The following LHX8 variants were observed in gnomAD, a reference collection of about 807,000 sequenced individuals.
LHX8 encodes LIM homeobox 8, also known as LIM/homeobox protein Lhx8.
LHX8 carries 12 observed loss-of-function variants against 40.3 expected under a neutral mutation model. That is an observed-to-expected ratio of 0.30 (90% CI 0.19 to 0.48). The LOEUF is 0.48. Among genes scored for constraint, LHX8 ranks in the 20% least tolerant of loss-of-function variants. The pLI, the probability that LHX8 is intolerant of heterozygous loss-of-function variation, is 0.99. For missense variants in LHX8, 344 were observed against 433.7 expected, an observed-to-expected ratio of 0.79 and a Z score of 1.84; for synonymous variants, 179 against 162.0, an observed-to-expected ratio of 1.10 and a Z score of -0.80.
intron 7 of LHX8, among the ~76,000 whole-genome samples, chr1:75,149,091 T>C (rs972690049): frequency 2.5e-4 from 38 of 152,228 alleles, no homozygotes; most frequent in Admixed American, 6.5e-5. Context: ...CCTAAGATCC[T>C]CAGGCTAAAC....
the LHX8 span, among the ~76,000 whole-genome samples, chr1:75,177,024 T>C: frequency 3.9e-5 from 6 of 152,180 alleles, no homozygotes; most frequent in Non-Finnish European, 7.3e-5. Flanking sequence ...TTCTGTTCCA[T>C]TGGTCTATAT....
intron 6 of LHX8, among the ~76,000 whole-genome samples, chr1:75,144,765 A>G (rs1648416471): frequency 6.6e-6 from 1 of 152,114 alleles, no homozygotes; most frequent in African/African-American, 2.4e-5. Flanking sequence ...CATTTGTTGA[A>G]CGCCTATCAC....
At chr1:75,155,478 C>G (rs1311107827) in intron 7 of LHX8, among the ~76,000 whole-genome samples, 1 of 152,068 alleles carries the variant, frequency 6.6e-6, no homozygotes, top group East Asian at 1.9e-4. Context: ...TTGTGATTCG[C>G]CCGCCTTGGC....
the LHX8 span, among the ~76,000 whole-genome samples, chr1:75,187,534 T>A: frequency 6.6e-6 from 1 of 152,188 alleles, no homozygotes; most frequent in Admixed American, 6.5e-5. Flanking sequence ...CCTTTCCTTC[T>A]CATCATCTCA....
downstream of LHX8, among the ~76,000 whole-genome samples, chr1:75,161,753 C>A (rs1355537578): frequency 6.6e-6 from 1 of 151,330 alleles, no homozygotes; most frequent in African/African-American, 2.4e-5. Context: ...AAAGAGAAGG[C>A]AGAACACTTT....
At chr1:75,162,307 C>T (rs1027435901), downstream of LHX8, among the ~76,000 whole-genome samples, 1 of 151,414 alleles carries the variant, frequency 6.6e-6, no homozygotes, top group Non-Finnish European at 1.5e-5. Flanking sequence ...AGCCAGAAGT[C>T]AACCCATCTA....
At chr1:75,187,019 T>G in the LHX8 span, among the ~76,000 whole-genome samples, 1 of 152,164 alleles carries the variant, frequency 6.6e-6, no homozygotes, top group Admixed American at 6.5e-5. Flanking sequence ...AATAGACAGA[T>G]GAGTGAATTA....
chr1:75,196,313 C>A, the LHX8 span, among the ~76,000 whole-genome samples: 1 of 152,102 alleles, frequency 6.6e-6, no homozygotes, highest in Admixed American at 6.6e-5. Flanking sequence ...GTTCATGGAG[C>A]TGTGCTGCAT....
chr1:75,162,184 A>G (rs1448121885), downstream of LHX8, among the ~76,000 whole-genome samples: 5 of 152,132 alleles, frequency 3.3e-5, no homozygotes, highest in Admixed American at 6.6e-5. Flanking sequence ...AATCATATGG[A>G]TATAAGTAAC....
At chr1:75,131,583 T>C (rs1166479484), upstream of LHX8, 1 of 152,228 alleles carries the variant, frequency 6.6e-6, no homozygotes, top group Non-Finnish European at 1.5e-5. Flanking sequence ...CGATTACAAA[T>C]TTCGCAGCTG....
At chr1:75,156,867 C>T (rs184117179) in intron 7 of LHX8, 26 bp from the exon 8 acceptor site, 4 of 1,613,290 alleles carry the variant, frequency 2.5e-6, no homozygotes, top group East Asian at 4.5e-5. Context: ...AACCTACCTA[C>T]TTCTGTTGCT....
chr1:75,169,128 A>G, the LHX8 span, among the ~76,000 whole-genome samples: 1 of 151,950 alleles, frequency 6.6e-6, no homozygotes, highest in Non-Finnish European at 1.5e-5. Flanking sequence ...ACACCCATGC[A>G]CCCCATTACT....
At chr1:75,196,232 T>C in the LHX8 span, among the ~76,000 whole-genome samples, 1 of 152,164 alleles carries the variant, frequency 6.6e-6, no homozygotes, top group Admixed American at 6.5e-5. Context: ...TTGTCAATAT[T>C]CTGCGGTCTT....
chr1:75,143,060 T>G, intron 4 of LHX8, 58 bp from the exon 5 acceptor site: 2 of 1,323,630 alleles, frequency 1.5e-6, no homozygotes, highest in Non-Finnish European at 2.2e-6. Context: ...AATATTCGAC[T>G]GATGAATATC....
intron 7 of LHX8, among the ~76,000 whole-genome samples, chr1:75,149,934 G>A (rs1557491667): frequency 6.6e-6 from 1 of 152,196 alleles, no homozygotes. Context: ...TGGGGAAGCA[G>A]AGAGGAGTCA....
At chr1:75,150,922 G>A (rs565909042) in intron 7 of LHX8, among the ~76,000 whole-genome samples, 4 of 152,086 alleles carry the variant, frequency 2.6e-5, no homozygotes, top group South Asian at 2.1e-4. Context: ...TGATCCGCCC[G>A]CCTCAGCCTT....
chr1:75,135,429 A>G (rs1308284781), intron 1 of LHX8, among the ~76,000 whole-genome samples: 1 of 152,210 alleles, frequency 6.6e-6, no homozygotes, highest in Non-Finnish European at 1.5e-5. Flanking sequence ...TTTGTGTGTG[A>G]GGACGCGGCC....
chr1:75,187,514 T>TG, the LHX8 span, among the ~76,000 whole-genome samples: 89 of 152,160 alleles, frequency 5.8e-4, 1 homozygote, highest in Middle Eastern at 3.4e-3. Flanking sequence ...AGGAAAGTAT[T>TG]GGGGGGGTCC....
intron 1 of LHX8, among the ~76,000 whole-genome samples, chr1:75,135,414 C>G (rs1648092204): frequency 6.6e-6 from 1 of 152,246 alleles, no homozygotes; most frequent in Admixed American, 6.5e-5. Context: ...TCTGTTTAAA[C>G]GCCCTTTGTG....
Sources: allele counts gnomAD v4.1 joint callset (sites outside exome capture counted in the v4.1 genomes callset), GRCh38; gene constraint gnomAD v4.1.1; transcripts MANE v1.5; gene names NCBI Gene and HGNC (gene_info 2026-07-23, HGNC 2026-07-21).